MTMR9: variants seen among roughly 807,000 people sequenced by gnomAD.
MTMR9 encodes the protein myotubularin-related protein 9.
A neutral mutation model predicts 69.5 loss-of-function variants in MTMR9; 39 were observed. The observed-to-expected ratio is 0.56, with a 90% confidence interval of 0.43 to 0.73. MTMR9 has a LOEUF of 0.73. Among genes scored for constraint, MTMR9 ranks in the 30% least tolerant of loss-of-function variants. The pLI, the probability that MTMR9 is intolerant of heterozygous loss-of-function variation, is 0.00. For missense variants in MTMR9, 900 were observed against 671.2 expected, an observed-to-expected ratio of 1.34 and a Z score of -3.77; for synonymous variants, 354 against 240.8, an observed-to-expected ratio of 1.47 and a Z score of -4.35.
the MTMR9 span, among the ~76,000 whole-genome samples, chr8:11,333,500 G>T: frequency 6.6e-6 from 1 of 152,160 alleles, no homozygotes; most frequent in African/African-American, 2.4e-5. Context: ...GACAAGAAAT[G>T]CTAAAGGGGG....
the MTMR9 span, among the ~76,000 whole-genome samples, chr8:11,338,834 G>C: frequency 1.3e-5 from 2 of 152,208 alleles, no homozygotes; most frequent in African/African-American, 4.8e-5. Context: ...GGCAACTTTA[G>C]ACAGTAGCAA....
At position 11,319,746 on chromosome 8, in the gene MTMR9, G is replaced by A. The variant is rs1465537884; in HGVS notation, c.1394G>A (p.Ser465Asn). Residue 465 changes from serine (S) to asparagine (N), a missense_variant, in exon 9 of 10, where the codon AGT becomes AAT. Physicochemically the swap from Ser to Asn is conservative, Grantham distance 46. Transcript: ENST00000221086. ...TTGTGGTCCTGGGTTAATCAGCCCA[G>A]TGAGCTGAGTAAATTCACCAATCCC... ...MSLWSWVNQP[S>N]ELSKFTNPLF... The A allele has an allele frequency of 1.9e-6, 3 of 1,614,110 alleles. No individual in the cohort carries two copies. The highest frequency in any genetic ancestry group is 1.3e-5 in the African/African-American group (1 of 75,058).
chr8:11,302,741 T>C (rs1585118216), intron 3 of MTMR9, among the ~76,000 whole-genome samples: 1 of 152,108 alleles, frequency 6.6e-6, no homozygotes, highest in East Asian at 1.9e-4. Flanking sequence ...GTATAGGGAT[T>C]GAAATGAAGG....
chr8:11,319,950 A>C, intron 9 of MTMR9, 112 bp downstream of exon 9: 1 of 1,003,982 alleles, frequency 1.0e-6, no homozygotes, highest in South Asian at 1.9e-5. Flanking sequence ...TGGCCCTCAG[A>C]CCTGTGTGAA....
At chr8:11,308,254 G>T (rs1277977202) in intron 5 of MTMR9, among the ~76,000 whole-genome samples, 3 of 152,156 alleles carry the variant, frequency 2.0e-5, no homozygotes, top group African/African-American at 7.2e-5. Context: ...TCTTCTGCAT[G>T]TGCATACCCA....
intron 5 of MTMR9, among the ~76,000 whole-genome samples, chr8:11,307,371 C>G (rs140364537): frequency 5.5e-4 from 84 of 152,304 alleles, no homozygotes; most frequent in African/African-American, 2.0e-3. Context: ...TGTGCCTGGC[C>G]TACCCTCTTT....
At chr8:11,295,347 TATG>T in intron 2 of MTMR9, 45 bp downstream of exon 2, 6 of 1,069,112 alleles carry the variant, frequency 5.6e-6, no homozygotes, top group Non-Finnish European at 8.7e-6. Context: ...AATTTTATAT[TATG>T]ACTCAGTGTA....
intron 1 of MTMR9, among the ~76,000 whole-genome samples, chr8:11,287,788 A>G (rs1419521696): frequency 8.3e-6 from 1 of 120,066 alleles, no homozygotes; most frequent in Non-Finnish European, 1.6e-5. Context: ...ATTATATATT[A>G]TATATAATAC....
At chr8:11,331,011 A>G (rs1163481529), downstream of MTMR9, 1 of 1,499,120 alleles carries the variant, frequency 6.7e-7, no homozygotes, top group Non-Finnish European at 8.9e-7. Flanking sequence ...GTTCCAGGGA[A>G]GAACCCCACC....
intron 6 of MTMR9, among the ~76,000 whole-genome samples, chr8:11,314,706 C>T (rs923466470): frequency 3.3e-5 from 5 of 152,116 alleles, no homozygotes; most frequent in Non-Finnish European, 4.4e-5. Flanking sequence ...TCATTATAGT[C>T]GTATTTTTTC....
In MTMR9 at chr8:11,306,311, C is replaced by A. The variant is rs749590205; in HGVS notation, c.713C>A (p.Ser238Tyr). The A allele has an allele frequency of 2.9e-5, 46 of 1,613,966 alleles. No homozygotes were observed. In the Admixed American group the frequency reaches 3.5e-4, roughly 12 times the overall value. The change falls in exon 5 of 10, where the codon TCC becomes TAC. Residue 238 changes from serine to tyrosine, a missense_variant. Coordinates refer to ENST00000221086, the MANE Select transcript of MTMR9 (RefSeq NM_015458.4). ...CGTGGCTACATCATTGACACCCGAT[C>A]CCTGAACGTGGCTCAGCAAACTAGA... ...GKRGYIIDTR[S>Y]LNVAQQTRAK...
intron 1 of MTMR9, among the ~76,000 whole-genome samples, chr8:11,288,669 C>T (rs1289944615): frequency 1.3e-5 from 2 of 152,158 alleles, no homozygotes; most frequent in Non-Finnish European, 2.9e-5. Context: ...ATGGTAGAGA[C>T]TGGCTGGAGG....
intron 9 of MTMR9, among the ~76,000 whole-genome samples, chr8:11,322,347 G>A (rs1800730355): frequency 6.6e-6 from 1 of 152,144 alleles, no homozygotes; most frequent in Non-Finnish European, 1.5e-5. Context: ...ATCATAAAAT[G>A]GTATTTGGAT....
Position 11,324,148 on chromosome 8 carries a change from C to G in MTMR9, c.*1360C>G, listed in dbSNP as rs1030163704. On this transcript the variant is annotated 3_prime_UTR_variant, in exon 10 of 10. Transcript: ENST00000221086. ...TATATAACCATTTCGGTAGAGAACA[C>G]ACTACACTGAACCCTGCTTTAGAGC... The G allele has an allele frequency of 6.6e-6, 1 of 152,160 alleles. No homozygotes were observed. Among genetic ancestry groups the G allele is most frequent in the South Asian group, 2.1e-4 (1 of 4,832 alleles). 9.4% of individuals were successfully genotyped at this position (152,160 alleles called of 1,614,324 possible).
chr8:11,298,878 A>T (rs981368567), intron 2 of MTMR9: 2 of 985,042 alleles, frequency 2.0e-6, no homozygotes, highest in Non-Finnish European at 2.4e-6. Flanking sequence ...CTCCAGGTAA[A>T]TATAGGCCCA....
At chr8:11,318,477 C>G (rs897069646) in intron 8 of MTMR9, 1 of 152,152 alleles carries the variant, frequency 6.6e-6, no homozygotes, top group East Asian at 1.9e-4. Context: ...GCACGTAGCT[C>G]ATAAATAATC....
chr8:11,316,105 A>C (rs899598280), intron 7 of MTMR9: 1 of 152,240 alleles, frequency 6.6e-6, no homozygotes, highest in African/African-American at 2.4e-5. Flanking sequence ...AGAAGAGGGT[A>C]ATTAATGACA....
At chr8:11,318,664 A>C (rs568732775) in intron 8 of MTMR9, 1 of 152,272 alleles carries the variant, frequency 6.6e-6, no homozygotes, top group Non-Finnish European at 1.5e-5. Flanking sequence ...TCCTTCTCTA[A>C]CAGTTTATTC....
chr8:11,304,823 G>A lies in MTMR9; in HGVS notation c.418-18G>A. The A allele has an allele frequency of 6.2e-7, 1 of 1,609,660 alleles. No individual in the cohort carries two copies. ...ATTGAGATAGTTGCTTAGCTTTGAAGTATTTTGTGTTTTTCAGACCAGTGA... is the reference window on the plus strand; with the variant it reads ...ATTGAGATAGTTGCTTAGCTTTGAAATATTTTGTGTTTTTCAGACCAGTGA... On this transcript the variant is annotated intron_variant, in intron 3 of 9. Coordinates refer to ENST00000221086, the MANE Select transcript of MTMR9 (RefSeq NM_015458.4).
Sources: gnomAD v4.1 joint callset for allele counts (sites outside exome capture counted in the v4.1 genomes callset) on GRCh38, gnomAD v4.1.1 for gene constraint, MANE v1.5 for transcripts, NCBI Gene and HGNC (gene_info 2026-07-23, HGNC 2026-07-21) for gene names.